ZNF804B: variants seen among roughly 807,000 people sequenced by gnomAD.
ZNF804B encodes the protein zinc finger protein 804B, also known as zinc finger 804B.
A neutral mutation model predicts 101.4 loss-of-function variants in ZNF804B; 80 were observed. The observed-to-expected ratio is 0.79, with a 90% CI of 0.66 to 0.95. ZNF804B has a LOEUF of 0.95. Ranked by LOEUF, ZNF804B falls within the 40% of genes least tolerant of loss-of-function variation. The pLI is 0.00. For missense variants in ZNF804B, 1,673 were observed against 1,561.9 expected, an observed-to-expected ratio of 1.07 and a Z score of -1.20; for synonymous variants, 622 against 558.8, an observed-to-expected ratio of 1.11 and a Z score of -1.59.
chr7:89,030,729 C>G lies in ZNF804B; in HGVS notation c.109-187426C>G, dbSNP rs17166343. Among the ~76,000 whole-genome samples, 168 of 152,168 alleles carry G rather than the reference C, an allele frequency of 1.1e-3. 3 individuals are homozygous for G. In the East Asian group the frequency reaches 0.027, roughly 24 times the overall value. ...AAAATATTCTGAAACCCAAATCAGT[C>G]ACATAATTTCTATTCAATTGCTCCC... On this transcript the variant is annotated intron_variant, in intron 1 of 3. Transcript: ENST00000333190.
Position 88,937,115 on chromosome 7 carries a change from CAAAAAAAAA to C in ZNF804B, c.108+177041_108+177049del, listed in dbSNP as rs3034325. Among the ~76,000 whole-genome samples the C allele has an allele frequency of 7.2e-3, 795 of 110,942 alleles. 14 individuals are homozygous for C. The highest frequency in any genetic ancestry group is 0.025 in the African/African-American group (737 of 29,150). 72.8% of individuals were successfully genotyped at this position (110,942 alleles called of 152,430 possible). On this transcript the variant is annotated intron_variant, in intron 1 of 3. Transcript: ENST00000333190. ...TGCTTTGAAAAAACTATGAGAATAG[CAAAAAAAAA>C]AAAAAAAAAGTATTATTGCTCTCCA...
chr7:89,157,776 A>T (rs1233800269), intron 1 of ZNF804B, among the ~76,000 whole-genome samples: 1 of 152,160 alleles, frequency 6.6e-6, no homozygotes, highest in Non-Finnish European at 1.5e-5. Flanking sequence ...AAGGTAAAAG[A>T]CAGGTCAGGT....
chr7:89,294,710 T>A (rs981021951), intron 2 of ZNF804B, among the ~76,000 whole-genome samples: 4 of 152,034 alleles, frequency 2.6e-5, no homozygotes, highest in Admixed American at 2.6e-4. Flanking sequence ...ATATTAAAAT[T>A]TTAGGGCCTT....
At chr7:89,175,539 T>C (rs1428714669) in intron 1 of ZNF804B, among the ~76,000 whole-genome samples, 1 of 149,662 alleles carries the variant, frequency 6.7e-6, no homozygotes, top group African/African-American at 2.4e-5. Flanking sequence ...TTGCTCAGGA[T>C]AGCTTTGGCT....
intron 2 of ZNF804B, among the ~76,000 whole-genome samples, chr7:89,270,596 T>A (rs1789877705): frequency 6.6e-6 from 1 of 152,234 alleles, no homozygotes; most frequent in Admixed American, 6.5e-5. Context: ...TTTCCAATTC[T>A]GTGAAGACAG....
At chr7:89,239,520 T>C (rs1028161793) in intron 2 of ZNF804B, among the ~76,000 whole-genome samples, 2 of 152,138 alleles carry the variant, frequency 1.3e-5, no homozygotes, top group African/African-American at 4.8e-5. Context: ...ATACCTTAAA[T>C]GTATATCACT....
intron 1 of ZNF804B, among the ~76,000 whole-genome samples, chr7:88,822,946 C>T (rs544420623): frequency 6.6e-6 from 1 of 152,226 alleles, no homozygotes; most frequent in South Asian, 2.1e-4. Flanking sequence ...CACAGTTGCT[C>T]ATGCCTGTAA....
At chr7:89,308,874 A>G (rs1034261811) in intron 2 of ZNF804B, among the ~76,000 whole-genome samples, 3 of 152,360 alleles carry the variant, frequency 2.0e-5, no homozygotes, top group Middle Eastern at 3.4e-3. Context: ...AGGAGGCTGA[A>G]GGCCAGATTT....
intron 1 of ZNF804B, among the ~76,000 whole-genome samples, chr7:88,841,428 A>T (rs1791290280): frequency 6.6e-6 from 1 of 152,176 alleles, no homozygotes; most frequent in African/African-American, 2.4e-5. Context: ...ATGGACATAG[A>T]AACTTGGGTG....
intron 1 of ZNF804B, among the ~76,000 whole-genome samples, chr7:89,178,252 T>A (rs1788236022): frequency 6.6e-6 from 1 of 152,016 alleles, no homozygotes. Context: ...TTGGGTAGTT[T>A]CATCCATTTA....
intron 1 of ZNF804B, among the ~76,000 whole-genome samples, chr7:88,823,652 G>A (rs1175564551): frequency 6.6e-6 from 1 of 151,998 alleles, no homozygotes; most frequent in Non-Finnish European, 1.5e-5. Flanking sequence ...GTACAATTGG[G>A]TACCACCCTT....
intron 1 of ZNF804B, among the ~76,000 whole-genome samples, chr7:88,873,723 T>G (rs563833039): frequency 2.0e-5 from 3 of 152,126 alleles, no homozygotes; most frequent in African/African-American, 4.8e-5. Context: ...TTATTAAATA[T>G]GGAATCCCTT....
chr7:88,868,628 T>G (rs562444449), intron 1 of ZNF804B, among the ~76,000 whole-genome samples: 36 of 152,226 alleles, frequency 2.4e-4, no homozygotes, highest in Non-Finnish European at 4.3e-4. Flanking sequence ...TCAATTGGCT[T>G]GCTGCCTTTA....
At chr7:89,245,382 A>T (rs1789428215) in intron 2 of ZNF804B, among the ~76,000 whole-genome samples, 1 of 152,186 alleles carries the variant, frequency 6.6e-6, no homozygotes, top group African/African-American at 2.4e-5. Context: ...TTGGAAAAAT[A>T]TGAAAAAGGA....
At chr7:88,986,070 CA>C (rs1793756840) in intron 1 of ZNF804B, among the ~76,000 whole-genome samples, 1 of 152,046 alleles carries the variant, frequency 6.6e-6, no homozygotes, top group Non-Finnish European at 1.5e-5. Context: ...AGGAGATCTG[CA>C]AATTCTGGCA....
chr7:89,149,879 G>A (rs1266787673), intron 1 of ZNF804B, among the ~76,000 whole-genome samples: 1 of 151,702 alleles, frequency 6.6e-6, no homozygotes, highest in Non-Finnish European at 1.5e-5. Flanking sequence ...ACTGTTGACA[G>A]TTGGACTCAA....
intron 1 of ZNF804B, among the ~76,000 whole-genome samples, chr7:88,940,597 G>C (rs1793040948): frequency 6.6e-6 from 1 of 151,530 alleles, no homozygotes; most frequent in African/African-American, 2.4e-5. Flanking sequence ...TAGCAAGACA[G>C]TGTCTCTACA....
At chr7:89,175,933 T>A (rs1229260550) in intron 1 of ZNF804B, among the ~76,000 whole-genome samples, 4 of 152,036 alleles carry the variant, frequency 2.6e-5, no homozygotes, top group African/African-American at 9.7e-5. Flanking sequence ...TTAATGAATT[T>A]GTTGATTAGT....
At chr7:88,833,788 T>A (rs557345660) in intron 1 of ZNF804B, among the ~76,000 whole-genome samples, 21 of 151,860 alleles carry the variant, frequency 1.4e-4, no homozygotes, top group Non-Finnish European at 2.7e-4. Context: ...AACCAGAGAC[T>A]TGGGGTGATT....
Sources: allele counts gnomAD v4.1 joint callset (sites outside exome capture counted in the v4.1 genomes callset), GRCh38; gene constraint gnomAD v4.1.1; transcripts MANE v1.5; gene names NCBI Gene and HGNC (gene_info 2026-07-23, HGNC 2026-07-21).